Variants in PALM2AKAP2 observed in about 807,000 individuals in gnomAD.
PALM2AKAP2 encodes the protein PALM2 and AKAP2 fusion, also known as PALM2-AKAP2 fusion protein.
In PALM2AKAP2, 37 loss-of-function variants were observed where a neutral mutation model predicts 71.5. The ratio of observed to expected loss-of-function variants is 0.52; its 90% CI spans 0.40 to 0.68. The LOEUF (loss-of-function observed/expected upper bound fraction) is 0.68, where lower values mean the gene tolerates loss of function less well. Ranked by LOEUF, PALM2AKAP2 falls within the 30% of genes least tolerant of loss-of-function variation. PALM2AKAP2 has a pLI of 0.00. For synonymous variants in PALM2AKAP2, 468 were observed against 478.8 expected (o/e 0.98, Z 0.29); for missense variants, 1,224 against 1,191.8 (o/e 1.03, Z -0.40).
intron 1 of PALM2AKAP2, among the ~76,000 whole-genome samples, chr9:109,850,510 A>C (rs1828980954): frequency 1.3e-5 from 2 of 152,112 alleles, no homozygotes; most frequent in Admixed American, 1.3e-4. Context: ...TCCTAAGAGA[A>C]GGGGCCTGAA....
At chr9:110,044,620 G>T (rs1432598400), upstream of PALM2AKAP2, among the ~76,000 whole-genome samples, 1 of 150,668 alleles carries the variant, frequency 6.6e-6, no homozygotes, top group Admixed American at 6.6e-5. Context: ...CCAAAGTGTT[G>T]GGATTACAGG....
At chr9:109,889,869 G>C (rs773780663) in intron 3 of PALM2AKAP2, among the ~76,000 whole-genome samples, 21 of 152,284 alleles carry the variant, frequency 1.4e-4, no homozygotes, top group Non-Finnish European at 2.8e-4. Context: ...CCATATTTGG[G>C]AAATACATGC....
At position 110,140,460 on chromosome 9, in the gene PALM2AKAP2, G is replaced by A. The variant is rs537173890; in HGVS notation, c.2569+1921G>A. Among the ~76,000 whole-genome samples, 89 of 152,238 alleles carry A rather than the reference G, an allele frequency of 5.8e-4. No individual in the cohort carries two copies. The South Asian group carries it at 0.018, about 31-fold the overall frequency. Reference sequence around the variant, plus strand: ...AAACAAAGATCTGAGTGCTAGCTGTGCTCATTGTTATTGCATTGTCACTAG... The same window carrying A: ...AAACAAAGATCTGAGTGCTAGCTGTACTCATTGTTATTGCATTGTCACTAG... On this transcript the variant is annotated intron_variant, in intron 2 of 3. Transcript: ENST00000374525.
At chr9:110,062,620 G>A (rs1436542512) in intron 1 of PALM2AKAP2, among the ~76,000 whole-genome samples, 2 of 152,166 alleles carry the variant, frequency 1.3e-5, no homozygotes, top group Non-Finnish European at 2.9e-5. Flanking sequence ...GTGCTAGGTT[G>A]TGGGAAGTGG....
intron 6 of PALM2AKAP2, among the ~76,000 whole-genome samples, chr9:109,953,527 T>C (rs1831682330): frequency 6.6e-6 from 1 of 152,100 alleles, no homozygotes; most frequent in Non-Finnish European, 1.5e-5. Flanking sequence ...AGCTATGTTA[T>C]GAAAGTGGTG....
At chr9:110,135,172 A>AAAAAAAT (rs1554755284) in intron 1 of PALM2AKAP2, among the ~76,000 whole-genome samples, 3 of 61,100 alleles carry the variant, frequency 4.9e-5, no homozygotes, top group African/African-American at 1.2e-4. Context: ...AAAATATATA[A>AAAAAAAT]ATATATATAT....
chr9:110,045,517 C>T (rs982434727), upstream of PALM2AKAP2, among the ~76,000 whole-genome samples: 9 of 152,130 alleles, frequency 5.9e-5, no homozygotes, highest in African/African-American at 2.2e-4. Context: ...CTTGGCCCTG[C>T]CCCACACATT....
At chr9:109,785,818 A>C (rs1366182303) in intron 1 of PALM2AKAP2, among the ~76,000 whole-genome samples, 2 of 152,232 alleles carry the variant, frequency 1.3e-5, no homozygotes, top group East Asian at 3.8e-4. Context: ...TGTTAGTGGT[A>C]CATCCAGCCT....
chr9:110,050,080 C>A (rs1008542519), intron 1 of PALM2AKAP2, among the ~76,000 whole-genome samples: 13 of 152,220 alleles, frequency 8.5e-5, no homozygotes, highest in African/African-American at 3.1e-4. Context: ...CACTACCCTT[C>A]CCCGTAGCAG....
intron 5 of PALM2AKAP2, among the ~76,000 whole-genome samples, chr9:109,930,247 A>G (rs1306979965): frequency 6.7e-6 from 1 of 149,606 alleles, no homozygotes; most frequent in Non-Finnish European, 1.5e-5. Context: ...TTTTTTTGAG[A>G]CAGAGTCTCA....
chr9:109,844,798 T>C (rs1828804337), intron 1 of PALM2AKAP2, among the ~76,000 whole-genome samples: 1 of 152,172 alleles, frequency 6.6e-6, no homozygotes. Flanking sequence ...CTTACATGGA[T>C]GTCAGCGAGA....
chr9:109,940,939 G>T (rs1210353235), intron 6 of PALM2AKAP2, among the ~76,000 whole-genome samples: 3 of 152,182 alleles, frequency 2.0e-5, no homozygotes. Flanking sequence ...GCACAGGCTG[G>T]CAGGGGTCGG....
At position 109,993,448 on chromosome 9, in the gene PALM2AKAP2, C is replaced by T. The variant is rs371361451; in HGVS notation, c.497-22506C>T. On this transcript the variant is annotated intron_variant, in intron 6 of 9. Coordinates refer to the PALM2AKAP2 transcript ENST00000302798. The stretch of plus-strand genomic sequence containing the variant: ...GGCTCTCATTGGGCCAACTCTGTCA[C>T]GTGCATTTATCACATGCCCATCCCT... Among the ~76,000 whole-genome samples the T allele has an allele frequency of 1.0e-3, 156 of 152,330 alleles. 1 individual carries two copies. Among genetic ancestry groups the T allele is most frequent in the African/African-American group, 3.2e-3 (134 of 41,584 alleles).
At chr9:109,757,862 A>G (rs1828988276) in intron 1 of PALM2AKAP2, among the ~76,000 whole-genome samples, 1 of 152,062 alleles carries the variant, frequency 6.6e-6, no homozygotes, top group Admixed American at 6.6e-5. Context: ...GTAACTTTTT[A>G]TGTATTTCAT....
At chr9:109,767,279 C>T (rs892093722) in intron 1 of PALM2AKAP2, among the ~76,000 whole-genome samples, 1 of 152,184 alleles carries the variant, frequency 6.6e-6, no homozygotes, top group African/African-American at 2.4e-5. Context: ...GGTCTCCTGG[C>T]TTTGTCCAAA....
chr9:109,984,343 A>G (rs1320044130), intron 6 of PALM2AKAP2, among the ~76,000 whole-genome samples: 1 of 152,164 alleles, frequency 6.6e-6, no homozygotes, highest in African/African-American at 2.4e-5. Flanking sequence ...GTCTCTCTTT[A>G]GTATTAAAGA....
intron 1 of PALM2AKAP2, among the ~76,000 whole-genome samples, chr9:109,831,092 G>C (rs1363770043): frequency 6.7e-6 from 1 of 149,742 alleles, no homozygotes; most frequent in Non-Finnish European, 1.5e-5. Flanking sequence ...TTTTTAGTAG[G>C]GATTTCTAAT....
chr9:109,698,687 C>A (rs1828009216), intron 1 of PALM2AKAP2, among the ~76,000 whole-genome samples: 1 of 152,194 alleles, frequency 6.6e-6, no homozygotes, highest in Non-Finnish European at 1.5e-5. Flanking sequence ...TCAGAGACGG[C>A]ACAGGAAATG....
chr9:109,989,716 G>A (rs1324644814), intron 6 of PALM2AKAP2, among the ~76,000 whole-genome samples: 1 of 152,196 alleles, frequency 6.6e-6, no homozygotes, highest in East Asian at 1.9e-4. Context: ...CTGGCTGTGT[G>A]GATTCCACCC....
Sources: allele counts gnomAD v4.1 joint callset (sites outside exome capture counted in the v4.1 genomes callset), GRCh38; gene constraint gnomAD v4.1.1; transcripts MANE v1.5; gene names NCBI Gene and HGNC (gene_info 2026-07-23, HGNC 2026-07-21).